The following DENND2B variants were observed in gnomAD, a reference collection of about 807,000 sequenced individuals.
DENND2B encodes the protein DENN domain containing 2B, also known as DENN domain-containing protein 2B.
Under a neutral mutation model 116.0 loss-of-function variants are expected in DENND2B, and 32 were observed. The ratio of observed to expected loss-of-function variants is 0.28; its 90% CI spans 0.21 to 0.37. The LOEUF is 0.37. Among genes scored for constraint, DENND2B ranks in the 10% least tolerant of loss-of-function variants. The pLI is 1.00. For missense variants in DENND2B, 1,276 were observed against 1,477.7 expected (o/e 0.86, Z 2.24); for synonymous variants, 588 against 583.9 (o/e 1.01, Z -0.10).
At chr11:8,903,004 C>A (rs532213106) in intron 1 of DENND2B, among the ~76,000 whole-genome samples, 1 of 152,210 alleles carries the variant, frequency 6.6e-6, no homozygotes, top group South Asian at 2.1e-4. Context: ...AGACTACAGG[C>A]ATGCGCCACC....
intron 1 of DENND2B, among the ~76,000 whole-genome samples, chr11:8,792,756 T>TA (rs1341509621): frequency 1.3e-5 from 2 of 151,810 alleles, no homozygotes; most frequent in Middle Eastern, 3.2e-3. Flanking sequence ...TGGCGAAGAG[T>TA]AAAAAAATGT....
At chr11:8,829,332 G>A (rs2062114425) in intron 4 of DENND2B, among the ~76,000 whole-genome samples, 1 of 152,084 alleles carries the variant, frequency 6.6e-6, no homozygotes, top group Admixed American at 6.6e-5. Context: ...ATTCAGCAGT[G>A]GTGTCTTTGC....
intron 1 of DENND2B, chr11:8,794,546 G>C (rs546069542): frequency 6.6e-6 from 1 of 152,342 alleles, no homozygotes; most frequent in South Asian, 2.1e-4. Flanking sequence ...GGAGAGCTCG[G>C]GGAAAACCTG....
At chr11:8,784,846 A>AG (rs1030133922) in intron 1 of DENND2B, among the ~76,000 whole-genome samples, 1 of 152,020 alleles carries the variant, frequency 6.6e-6, no homozygotes, top group African/African-American at 2.4e-5. Context: ...TCAAAAAAAA[A>AG]AAAAGAAAAG....
In DENND2B at chr11:8,768,284, T is replaced by G. The variant is rs145948197; in HGVS notation, c.-25-17559A>C. ...ATTATTTAGAGATTAGGTCTTGCTCTGTCTCCCAGGCTGGAGTACAGTGAT... is the reference window on the plus strand; with the variant it reads ...ATTATTTAGAGATTAGGTCTTGCTCGGTCTCCCAGGCTGGAGTACAGTGAT... On this transcript the variant is annotated intron_variant, in intron 1 of 19. Coordinates refer to ENST00000313726, the MANE Select transcript of DENND2B (RefSeq NM_213618.2). Among the ~76,000 whole-genome samples, 802 of 152,310 alleles carry G rather than the reference T, an allele frequency of 5.3e-3. 7 individuals are homozygous for G. Among genetic ancestry groups the G allele is most frequent in the African/African-American group, 0.019 (771 of 41,564 alleles).
chr11:8,900,459 TGTGTTGGC>T (rs373577474), intron 1 of DENND2B, among the ~76,000 whole-genome samples: 6,830 of 143,250 alleles, frequency 0.048, 256 homozygotes, highest in East Asian at 0.15. Flanking sequence ...ATTAGCCAGG[TGTGTTGGC>T]GTGTGCCTGT....
At chr11:8,760,269 C>A (rs1364677565) in intron 1 of DENND2B, among the ~76,000 whole-genome samples, 3 of 152,188 alleles carry the variant, frequency 2.0e-5, no homozygotes, top group African/African-American at 7.2e-5. Flanking sequence ...CCTGCCCACA[C>A]AACCCAGAGC....
chr11:8,802,272 G>T (rs2060418198), intron 1 of DENND2B, among the ~76,000 whole-genome samples: 1 of 149,418 alleles, frequency 6.7e-6, no homozygotes, highest in Admixed American at 6.7e-5. Context: ...CTGCACTCCA[G>T]CCTGGGCGAC....
At position 8,903,305 on chromosome 11, in the gene DENND2B, T is replaced by C. The variant is rs1005396539; in HGVS notation, c.-256+7516A>G. Among the ~76,000 whole-genome samples, 9 of 152,008 alleles carry C rather than the reference T, an allele frequency of 5.9e-5. No homozygotes were observed. In the East Asian group the frequency reaches 7.8e-4, roughly 13 times the overall value. The stretch of plus-strand genomic sequence containing the variant: ...GCATGCACCTGTAATCCCTGTTACT[T>C]GGGTGGATTAGGCAGAAGAATCAAT... On this transcript the variant is annotated intron_variant, in intron 1 of 22. Transcript: ENST00000534127.
chr11:8,846,805 A>G (rs1466813661), intron 3 of DENND2B, among the ~76,000 whole-genome samples: 1 of 151,922 alleles, frequency 6.6e-6, no homozygotes, highest in Non-Finnish European at 1.5e-5. Flanking sequence ...ATATTTCTAA[A>G]CCGCTCCATG....
At chr11:8,796,411 T>C (rs1487883202) in intron 1 of DENND2B, among the ~76,000 whole-genome samples, 1 of 152,158 alleles carries the variant, frequency 6.6e-6, no homozygotes, top group East Asian at 1.9e-4. Flanking sequence ...TGGTGGCGTG[T>C]GCCTGTAATC....
In DENND2B at chr11:8,714,618, G is replaced by A. The variant is rs2044378523; in HGVS notation, c.1934C>T (p.Ser645Leu). 6.8e-6 allele frequency: 11 copies of A among 1,613,908 alleles called. No homozygotes were observed. Among genetic ancestry groups the A allele is most frequent in the Non-Finnish European group, 9.3e-6 (11 of 1,179,870 alleles). ...KLSMSSIETASLRDENSESES... is the reference protein window; with the variant it reads ...KLSMSSIETALLRDENSESES... The stretch of plus-strand genomic sequence containing the variant: ...CTGGCACCAAAGCCTACCTCTCAGT[G>A]ATGCTGTTTCAATGCTGGACATAGA... Residue 645 changes from serine to leucine, a missense_variant, in exon 7 of 20, where the codon TCA becomes TTA. Coordinates refer to ENST00000313726, the MANE Select transcript of DENND2B (RefSeq NM_213618.2).
At chr11:8,722,695 G>C (rs920578689) in intron 4 of DENND2B, among the ~76,000 whole-genome samples, 1 of 152,120 alleles carries the variant, frequency 6.6e-6, no homozygotes, top group South Asian at 2.1e-4. Flanking sequence ...TTCAGATTGG[G>C]CTGCTATGGG....
chr11:8,899,930 G>T (rs996787417), intron 1 of DENND2B, among the ~76,000 whole-genome samples: 1 of 152,308 alleles, frequency 6.6e-6, no homozygotes, highest in Middle Eastern at 3.4e-3. Context: ...AACAGCATGA[G>T]AAGGGGGGAT....
At chr11:8,751,113 T>G (rs2052368880) in intron 1 of DENND2B, among the ~76,000 whole-genome samples, 1 of 151,894 alleles carries the variant, frequency 6.6e-6, no homozygotes, top group Non-Finnish European at 1.5e-5. Flanking sequence ...AATACACCAA[T>G]CAGCACTCTG....
chr11:8,756,200 G>C (rs981820723), intron 1 of DENND2B, among the ~76,000 whole-genome samples: 2 of 151,740 alleles, frequency 1.3e-5, no homozygotes, highest in Non-Finnish European at 2.9e-5. Context: ...ACTGAAACAT[G>C]TTAAAAAAAC....
intron 4 of DENND2B, among the ~76,000 whole-genome samples, chr11:8,838,119 TATTAC>T (rs2062499446): frequency 6.6e-6 from 1 of 152,200 alleles, no homozygotes; most frequent in African/African-American, 2.4e-5. Context: ...TGACTACATA[TATTAC>T]TTTTATCTGT....
chr11:8,898,073 C>T (rs1039545373), intron 1 of DENND2B, among the ~76,000 whole-genome samples: 2 of 152,178 alleles, frequency 1.3e-5, no homozygotes, highest in Non-Finnish European at 2.9e-5. Flanking sequence ...AGCCACATGG[C>T]CTTGACTGAA....
chr11:8,862,369 A>G (rs553141222), intron 2 of DENND2B, among the ~76,000 whole-genome samples: 6 of 125,922 alleles, frequency 4.8e-5, no homozygotes, highest in Non-Finnish European at 7.8e-5. Context: ...TCACTCTGTC[A>G]TCCAGGCTGG....
Sources: allele counts gnomAD v4.1 joint callset (sites outside exome capture counted in the v4.1 genomes callset), GRCh38; gene constraint gnomAD v4.1.1; transcripts MANE v1.5; gene names NCBI Gene and HGNC (gene_info 2026-07-23, HGNC 2026-07-21).